Variants in ITGAV observed in about 807,000 individuals in gnomAD.
The protein encoded by ITGAV is integrin alpha-V.
Under a neutral mutation model 143.8 loss-of-function variants are expected in ITGAV, and 76 were observed. The ratio of observed to expected loss-of-function variants is 0.53; its 90% confidence interval spans 0.44 to 0.64. The LOEUF (loss-of-function observed/expected upper bound fraction) is 0.64. Ranked by LOEUF, ITGAV falls within the 30% of genes least tolerant of loss-of-function variation. The pLI is 0.00. For missense variants in ITGAV, 1,193 were observed against 1,274.7 expected (o/e 0.94, Z 0.98); for synonymous variants, 453 against 446.7 (o/e 1.01, Z -0.18).
chr2:186,628,334 GT>G (rs974333873), intron 4 of ITGAV, among the ~76,000 whole-genome samples: 1 of 152,030 alleles, frequency 6.6e-6, no homozygotes, highest in African/African-American at 2.4e-5. Flanking sequence ...TTGTTGGTTA[GT>G]TAGTTTGGTT....
At chr2:186,622,968 T>C (rs1257755926) in intron 3 of ITGAV, among the ~76,000 whole-genome samples, 2 of 152,188 alleles carry the variant, frequency 1.3e-5, no homozygotes, top group African/African-American at 4.8e-5. Context: ...TTCGCCATGT[T>C]GGCCAGGCTG....
At chr2:186,592,259 G>A (rs1686633675) in intron 1 of ITGAV, among the ~76,000 whole-genome samples, 7 of 152,262 alleles carry the variant, frequency 4.6e-5, no homozygotes, top group Middle Eastern at 3.4e-3. Flanking sequence ...GCAACATGGT[G>A]AAACCCTGTC....
intron 2 of ITGAV, among the ~76,000 whole-genome samples, chr2:186,603,583 C>T: frequency 6.6e-6 from 1 of 151,938 alleles, no homozygotes; most frequent in Middle Eastern, 3.2e-3. Context: ...TGGAGAAATA[C>T]CTGTGACTCA....
chr2:186,596,138 CATTT>C (rs1456363225), intron 1 of ITGAV, among the ~76,000 whole-genome samples: 2 of 152,244 alleles, frequency 1.3e-5, no homozygotes, highest in African/African-American at 4.8e-5. Context: ...TCTAAGTTTG[CATTT>C]ATTTATTATC....
At chr2:186,656,987 A>AACAC (rs56249746) in intron 17 of ITGAV, among the ~76,000 whole-genome samples, 1,595 of 139,404 alleles carry the variant, frequency 0.011, 29 homozygotes, top group African/African-American at 0.039. Context: ...GAATTCATTA[A>AACAC]ACACACACAC....
chr2:186,633,187 C>A, intron 5 of ITGAV, 142 bp from the exon 6 acceptor site: 1 of 342,440 alleles, frequency 2.9e-6, no homozygotes, highest in Non-Finnish European at 5.2e-6. Flanking sequence ...TATAATTAAC[C>A]TGGTAATGAT....
chr2:186,632,113 C>T (rs181438255), intron 5 of ITGAV, among the ~76,000 whole-genome samples: 3 of 151,734 alleles, frequency 2.0e-5, no homozygotes, highest in Non-Finnish European at 2.9e-5. Context: ...ATAGTTAACT[C>T]TTCTTACTAG....
chr2:186,676,051 T>C (rs919201478), intron 28 of ITGAV, 124 bp downstream of exon 28: 3 of 632,678 alleles, frequency 4.7e-6, no homozygotes, highest in African/African-American at 1.8e-5. Flanking sequence ...TGAAGTTATA[T>C]GATAGCATTA....
chr2:186,600,384 G>A (rs1320582869), intron 1 of ITGAV: 4 of 1,532,782 alleles, frequency 2.6e-6, no homozygotes, highest in Admixed American at 3.9e-5. Context: ...ATGTTGTGGT[G>A]AGTTCCTTAG....
At chr2:186,664,724 C>A in intron 20 of ITGAV, 83 bp downstream of exon 20, 1 of 1,537,222 alleles carries the variant, frequency 6.5e-7, no homozygotes, top group Non-Finnish European at 9.0e-7. Flanking sequence ...TTTAGTGAAG[C>A]ACAAGCTTAG....
At chr2:186,655,249 T>C (rs2105731053) in intron 16 of ITGAV, among the ~76,000 whole-genome samples, 1 of 152,352 alleles carries the variant, frequency 6.6e-6, no homozygotes, top group East Asian at 1.9e-4. Context: ...CCAGGGTTTG[T>C]CAGTATGTTA....
chr2:186,640,985 T>G lies in ITGAV; in HGVS notation c.956+18T>G. ...GGAGATGAGTAAGTTTAAAAAAAAA[T>G]GTTTCCAGAAAGTTATCTTCTCATG... On this transcript the variant is annotated intron_variant, in intron 11 of 29. Transcript: ENST00000261023. 1 of 1,566,436 alleles carries G rather than the reference T, an allele frequency of 6.4e-7. No homozygotes were observed. The highest frequency in any genetic ancestry group is 1.2e-5 in the South Asian group (1 of 86,588).
rs958385381 is a variant in ITGAV at position 186,667,258 on chromosome 2, T to G, written c.2327+28T>G. ...CAGTATGAATACTTAGTTGAGTATC[T>G]CATTCTCATGATTGCTTTTTAAAGG... On this transcript the variant is annotated intron_variant, in intron 23 of 29. Coordinates refer to ENST00000261023, the MANE Select transcript of ITGAV (RefSeq NM_002210.5). 6 of 1,496,292 alleles carry G rather than the reference T, an allele frequency of 4.0e-6. No homozygotes were observed. The African/African-American group carries it at 8.3e-5, about 21-fold the overall frequency. 92.7% of individuals were successfully genotyped at this position (1,496,292 alleles called of 1,614,324 possible).
chr2:186,636,953 T>C, intron 7 of ITGAV, 112 bp from the exon 8 acceptor site: 1 of 832,804 alleles, frequency 1.2e-6, no homozygotes, highest in Non-Finnish European at 2.0e-6. Flanking sequence ...GGACAAAATA[T>C]TGCATAAGTA....
At chr2:186,602,194 ATT>A in intron 2 of ITGAV, 43 bp downstream of exon 2, 7 of 1,441,736 alleles carry the variant, frequency 4.9e-6, no homozygotes, top group South Asian at 2.6e-5. Flanking sequence ...ATTTCATTTG[ATT>A]TTTTTTTTGC....
At chr2:186,598,004 C>G (rs75359749) in intron 1 of ITGAV, among the ~76,000 whole-genome samples, 5 of 152,142 alleles carry the variant, frequency 3.3e-5, no homozygotes, top group African/African-American at 9.7e-5. Flanking sequence ...AGCTTGAGAA[C>G]CAGTTCTCCT....
intron 2 of ITGAV, 60 bp from the exon 3 acceptor site, chr2:186,622,279 A>G: frequency 8.6e-7 from 1 of 1,158,272 alleles, no homozygotes; most frequent in South Asian, 1.3e-5. Context: ...GGATAAAAAT[A>G]AACTGTTATA....
chr2:186,593,815 C>T (rs191988818), intron 1 of ITGAV, among the ~76,000 whole-genome samples: 37 of 151,906 alleles, frequency 2.4e-4, no homozygotes, highest in Admixed American at 1.8e-3. Context: ...GGGAAGGATC[C>T]GAAGACAGGG....
intron 17 of ITGAV, 45 bp from the exon 18 acceptor site, chr2:186,658,993 A>G (rs1428371745): frequency 6.6e-7 from 1 of 1,505,044 alleles, no homozygotes; most frequent in South Asian, 1.2e-5. Flanking sequence ...TCTCCAGATA[A>G]TTTAGGTTGA....
Sources: gnomAD v4.1 joint callset for allele counts (sites outside exome capture counted in the v4.1 genomes callset) on GRCh38, gnomAD v4.1.1 for gene constraint, MANE v1.5 for transcripts, NCBI Gene and HGNC (gene_info 2026-07-23, HGNC 2026-07-21) for gene names.